MARCHF1: variants seen among roughly 807,000 people sequenced by gnomAD.
MARCHF1 encodes the protein E3 ubiquitin-protein ligase MARCHF1.
MARCHF1 carries 40 observed loss-of-function variants against 54.2 expected under a neutral mutation model. The observed-to-expected ratio is 0.74, with a 90% CI of 0.57 to 0.96. MARCHF1 has a LOEUF of 0.96. Among genes scored for constraint, MARCHF1 ranks in the 40% least tolerant of loss-of-function variants. The pLI, the probability that MARCHF1 is intolerant of heterozygous loss-of-function variation, is 0.00. For missense variants in MARCHF1, 586 were observed against 656.5 expected (o/e 0.89, Z 1.17); for synonymous variants, 236 against 236.3 (o/e 1.00, Z 0.01).
intron 3 of MARCHF1, among the ~76,000 whole-genome samples, chr4:163,968,347 A>C (rs1465380674): frequency 1.3e-5 from 2 of 152,158 alleles, no homozygotes; most frequent in African/African-American, 4.8e-5. Context: ...ATACATAAAT[A>C]AAATAAAGTG....
chr4:163,838,765 T>A (rs2047160), intron 4 of MARCHF1, among the ~76,000 whole-genome samples: 1 of 151,896 alleles, frequency 6.6e-6, no homozygotes, highest in Non-Finnish European at 1.5e-5. Context: ...AAGTGTATCA[T>A]AGACCTAAAT....
chr4:164,156,932 T>C (rs548360060), intron 1 of MARCHF1, among the ~76,000 whole-genome samples: 9 of 152,232 alleles, frequency 5.9e-5, no homozygotes, highest in East Asian at 1.9e-4. Flanking sequence ...AATGAAATAA[T>C]TGAGATTTGT....
chr4:164,317,913 C>A (rs1260296947), intron 1 of MARCHF1, among the ~76,000 whole-genome samples: 2 of 152,072 alleles, frequency 1.3e-5, no homozygotes, highest in South Asian at 2.1e-4. Context: ...GTGTTTCATT[C>A]CTCTGTTTAT....
intron 1 of MARCHF1, among the ~76,000 whole-genome samples, chr4:164,141,759 T>A (rs568481144): frequency 3.3e-5 from 5 of 152,306 alleles, no homozygotes; most frequent in African/African-American, 1.2e-4. Context: ...AAATAATTAC[T>A]CAGAGTGCAA....
chr4:163,796,685 T>C (rs1361192930), intron 4 of MARCHF1, among the ~76,000 whole-genome samples: 1 of 152,186 alleles, frequency 6.6e-6, no homozygotes, highest in African/African-American at 2.4e-5. Flanking sequence ...TCCCCATCAT[T>C]GTTCTGGGAT....
intron 3 of MARCHF1, among the ~76,000 whole-genome samples, chr4:163,858,388 C>T (rs573932683): frequency 5.3e-5 from 8 of 152,170 alleles, no homozygotes; most frequent in African/African-American, 1.7e-4. Context: ...TCAAATTTGC[C>T]CATTCCATAT....
chr4:164,342,787 A>ACAATGGAATG (rs1230464723), intron 1 of MARCHF1, among the ~76,000 whole-genome samples: 2 of 152,080 alleles, frequency 1.3e-5, no homozygotes, highest in East Asian at 3.9e-4. Context: ...ACAAAAACAC[A>ACAATGGAATG]CAATGGAATG....
At chr4:163,745,290 T>C (rs904203254) in intron 4 of MARCHF1, among the ~76,000 whole-genome samples, 1 of 151,948 alleles carries the variant, frequency 6.6e-6, no homozygotes, top group African/African-American at 2.4e-5. Flanking sequence ...TTTTTTTGTA[T>C]TTTTAGTAGA....
intron 4 of MARCHF1, among the ~76,000 whole-genome samples, chr4:163,732,273 G>A (rs575319207): frequency 6.6e-6 from 1 of 151,936 alleles, no homozygotes; most frequent in Non-Finnish European, 1.5e-5. Context: ...AAAATGTACT[G>A]AATGGTAGCA....
At chr4:164,135,382 T>C (rs1249813978) in intron 1 of MARCHF1, 2 of 152,176 alleles carry the variant, frequency 1.3e-5, no homozygotes, top group African/African-American at 4.8e-5. Flanking sequence ...TACCCAAGAC[T>C]GGGTAATTTA....
intron 5 of MARCHF1, among the ~76,000 whole-genome samples, chr4:163,642,016 C>CA (rs1742572572): frequency 6.6e-6 from 1 of 152,128 alleles, no homozygotes; most frequent in African/African-American, 2.4e-5. Flanking sequence ...TCCACTCCTA[C>CA]AGTGCTAATG....
intron 4 of MARCHF1, among the ~76,000 whole-genome samples, chr4:163,705,283 C>A (rs935788972): frequency 2.0e-5 from 3 of 150,834 alleles, no homozygotes; most frequent in African/African-American, 4.9e-5. Flanking sequence ...ATTAACATGG[C>A]GTAAATGAAA....
chr4:163,988,143 C>G (rs1752904727), intron 3 of MARCHF1, among the ~76,000 whole-genome samples: 2 of 152,144 alleles, frequency 1.3e-5, no homozygotes, highest in South Asian at 4.1e-4. Flanking sequence ...ATCACCAGTT[C>G]CACTATGTGA....
chr4:163,749,750 A>C (rs919040733), intron 4 of MARCHF1, among the ~76,000 whole-genome samples: 1 of 152,068 alleles, frequency 6.6e-6, no homozygotes, highest in African/African-American at 2.4e-5. Flanking sequence ...AGCACTTAAC[A>C]GTGGCTATCT....
intron 4 of MARCHF1, among the ~76,000 whole-genome samples, chr4:163,832,680 T>C (rs2201371): frequency 0.8 from 117,804 of 148,076 alleles, 47,771 homozygotes; most frequent in South Asian, 0.9. Flanking sequence ...TGTTGGTGTG[T>C]TGCACCCATT....
intron 3 of MARCHF1, among the ~76,000 whole-genome samples, chr4:163,944,017 G>C (rs1201148167): frequency 6.6e-6 from 1 of 151,830 alleles, no homozygotes; most frequent in Non-Finnish European, 1.5e-5. Flanking sequence ...ACCCAGGCTG[G>C]AGTGCAGTGA....
At chr4:164,277,368 A>C (rs565907443) in intron 1 of MARCHF1, among the ~76,000 whole-genome samples, 4 of 152,368 alleles carry the variant, frequency 2.6e-5, no homozygotes, top group African/African-American at 9.6e-5. Context: ...CATTGGCTTC[A>C]CATTGCACTT....
At chr4:164,184,142 G>A (rs1730905081) in intron 1 of MARCHF1, among the ~76,000 whole-genome samples, 1 of 152,132 alleles carries the variant, frequency 6.6e-6, no homozygotes, top group African/African-American at 2.4e-5. Context: ...CGATACAACA[G>A]TGGCAGAAAC....
chr4:163,544,970 A>G (rs1165041921), intron 9 of MARCHF1, among the ~76,000 whole-genome samples: 1 of 152,210 alleles, frequency 6.6e-6, no homozygotes, highest in Non-Finnish European at 1.5e-5. Flanking sequence ...TGAAAATAAT[A>G]TTTTATAGAC....
Sources: allele counts gnomAD v4.1 joint callset (sites outside exome capture counted in the v4.1 genomes callset), GRCh38; gene constraint gnomAD v4.1.1; transcripts MANE v1.5; gene names NCBI Gene and HGNC (gene_info 2026-07-23, HGNC 2026-07-21).